The following ANKRD27 variants were observed in gnomAD, a reference collection of about 807,000 sequenced individuals.
ANKRD27 encodes ankyrin repeat domain 27, also known as ankyrin repeat domain-containing protein 27.
Under a neutral mutation model 129.7 loss-of-function variants are expected in ANKRD27, and 112 were observed. The observed-to-expected ratio is 0.86, with a 90% CI of 0.74 to 1.01. ANKRD27 has a LOEUF of 1.01. Among genes scored for constraint, ANKRD27 ranks in the 50% least tolerant of loss-of-function variants. The probability of loss-of-function intolerance (pLI) is 0.00; values close to 1 mark genes in which losing one functional copy is unlikely to be tolerated. For missense variants in ANKRD27, 1,258 were observed against 1,300.5 expected (o/e 0.97, Z 0.50); for synonymous variants, 516 against 511.2 (o/e 1.01, Z -0.13).
intron 26 of ANKRD27, among the ~76,000 whole-genome samples, chr19:32,600,688 G>A (rs1971638551): frequency 6.6e-6 from 1 of 152,126 alleles, no homozygotes; most frequent in South Asian, 2.1e-4. Context: ...ATTTGAGATA[G>A]GGGGTAGTCA....
intron 20 of ANKRD27, among the ~76,000 whole-genome samples, chr19:32,618,141 C>T (rs545353763): frequency 9.3e-6 from 1 of 107,006 alleles, no homozygotes; most frequent in African/African-American, 3.5e-5. Context: ...AACCCACTGC[C>T]ATTTAGGGAA....
rs529414162 is a variant in ANKRD27 at position 32,598,152 on chromosome 19, C to T, written c.3146G>A (p.Arg1049Gln). The T allele has an allele frequency of 1.3e-4, 213 of 1,613,980 alleles. 3 individuals carry two copies. The South Asian group carries it at 2.2e-3, about 17-fold the overall frequency. The change falls in exon 29 of 29, where the codon CGG becomes CAG. Residue 1049 changes from arginine to glutamine, a missense_variant. By Grantham distance (43) the Arg-to-Gln change is conservative. Transcript: ENST00000306065. ...LSTPQEVSAS[R>Q]S ...AACAACTCCTCATTCCTGTTAGGAC[C>T]GGGAAGCACTAACCTCTTGGGGAGT...
rs1249061848 is a variant in ANKRD27 at position 32,598,338 on chromosome 19, G to A, written c.2960C>T (p.Pro987Leu). Residue 987 changes from proline to leucine, a missense_variant, in exon 29 of 29, where the codon CCA (proline) becomes CTA (leucine). Pro to Leu is a moderately conservative substitution (Grantham distance 98). Transcript: ENST00000306065. ...QSVTLRQNNL[P>L]AQSGSHAAEK... ...AGCAGCATGAGATCCACTCTGAGCT[G>A]GCAGGTTATTCTGTCTCAGTGTGAC... 1 of 1,614,064 alleles carries A rather than the reference G, an allele frequency of 6.2e-7. No homozygotes were observed. Among genetic ancestry groups the A allele is most frequent in the Non-Finnish European group, 8.5e-7 (1 of 1,180,036 alleles).
chr19:32,671,997 A>C (rs977649664), intron 1 of ANKRD27, among the ~76,000 whole-genome samples: 15 of 152,152 alleles, frequency 9.9e-5, no homozygotes, highest in African/African-American at 3.6e-4. Flanking sequence ...TGTGGTCTTC[A>C]ACCGTCCTGC....
chr19:32,656,059 A>AAAAGAAAGAAAAGAAAG lies in ANKRD27; in HGVS notation c.102+2854_102+2855insCTTTCTTTTCTTTCTTT, dbSNP rs1568417616. ...AAGAAAGAAAAGAAAGAAAAGAAAG[A>AAAAGAAAGAAAAGAAAG]AAAGAAAGAAAGAAAGAAAGAAAGA... On this transcript the variant is annotated intron_variant, in intron 2 of 28. Coordinates refer to ENST00000306065, the MANE Select transcript of ANKRD27 (RefSeq NM_032139.3). Among the ~76,000 whole-genome samples, 289 of 65,838 alleles carry AAAAGAAAGAAAAGAAAG rather than the reference A, an allele frequency of 4.4e-3. 1 individual carries two copies. Among genetic ancestry groups the AAAAGAAAGAAAAGAAAG allele is most frequent in the African/African-American group, 0.013 (250 of 18,538 alleles). The allele number at this position is 65,838 out of a possible 152,430, so 43.2% of individuals were successfully genotyped here. A position where few individuals can be genotyped will look rare whatever the true frequency, so the allele number is the denominator to read the frequency against.
At chr19:32,620,885 CAAAAAAAAA>C (rs746859989) in intron 18 of ANKRD27, among the ~76,000 whole-genome samples, 9 of 75,302 alleles carry the variant, frequency 1.2e-4, no homozygotes, top group East Asian at 4.0e-4. Context: ...AACCTTGTCT[CAAAAAAAAA>C]AAAAAAAAAA....
rs530795332 is a variant in ANKRD27 at position 32,646,841 on chromosome 19, T to C, written c.214-226A>G. ...GATACCTGAATCATTTCTATTTTCT[T>C]TTGAGACAGAGTCTTACTCCATCAC... On this transcript the variant is annotated intron_variant, in intron 3 of 28. Coordinates refer to ENST00000306065, the MANE Select transcript of ANKRD27 (RefSeq NM_032139.3). 2.6e-5 allele frequency among the ~76,000 whole-genome samples: 4 copies of C among 152,322 alleles called. No individual in the cohort carries two copies. The South Asian group carries it at 8.3e-4, about 32-fold the overall frequency.
At chr19:32,609,916 C>T (rs1971808919) in intron 22 of ANKRD27, among the ~76,000 whole-genome samples, 1 of 152,036 alleles carries the variant, frequency 6.6e-6, no homozygotes, top group African/African-American at 2.4e-5. Flanking sequence ...TGGCTCACGC[C>T]TATAATCTCA....
chr19:32,622,082 A>C (rs917160959), intron 18 of ANKRD27, among the ~76,000 whole-genome samples: 5 of 152,154 alleles, frequency 3.3e-5, no homozygotes, highest in Non-Finnish European at 7.4e-5. Context: ...CACCGGGAAA[A>C]AAGAGTTCCA....
chr19:32,609,385 G>A (rs1255742617), intron 22 of ANKRD27, among the ~76,000 whole-genome samples: 1 of 152,058 alleles, frequency 6.6e-6, no homozygotes, highest in Non-Finnish European at 1.5e-5. Flanking sequence ...TGTTCACAAT[G>A]GCTTTATTTA....
rs1471722662 is a variant in ANKRD27 at position 32,643,351 on chromosome 19, A to C, written c.641T>G (p.Ile214Arg). 1.2e-6 allele frequency: 2 copies of C among 1,613,970 alleles called. No individual in the cohort carries two copies. Among genetic ancestry groups the C allele is most frequent in the African/African-American group, 2.7e-5 (2 of 75,004 alleles). Reference sequence around the variant, plus strand: ...GTTGTAAATTTCATGATGGACGTATATCTGTGGAATCAACAGACCCCATTC... The same window carrying C: ...GTTGTAAATTTCATGATGGACGTATCTCTGTGGAATCAACAGACCCCATTC... ...QMNLMKQAVE[I>R]YVHHEIYNLI... Residue 214 changes from isoleucine to arginine, a missense_variant and splice_region_variant, in exon 8 of 29, where the codon ATA becomes AGA. Ile to Arg is a moderately conservative substitution (Grantham distance 97). Coordinates refer to ENST00000306065, the MANE Select transcript of ANKRD27 (RefSeq NM_032139.3).
At chr19:32,658,339 CCCA>C (rs1967581913) in intron 2 of ANKRD27, among the ~76,000 whole-genome samples, 1 of 152,210 alleles carries the variant, frequency 6.6e-6, no homozygotes, top group Non-Finnish European at 1.5e-5. Flanking sequence ...GGCAGATGCC[CCCA>C]CCATGACAGG....
intron 16 of ANKRD27, 47 bp from the exon 17 acceptor site, chr19:32,626,013 G>T: frequency 6.7e-7 from 1 of 1,496,886 alleles, no homozygotes; most frequent in South Asian, 1.3e-5. Context: ...CCGGCTCCCT[G>T]GGAGGCCCGG....
chr19:32,615,707 T>A lies in ANKRD27; in HGVS notation c.2126A>T (p.Glu709Val). 1 of 1,614,166 alleles carries A rather than the reference T, an allele frequency of 6.2e-7. No homozygotes were observed. The highest frequency in any genetic ancestry group is 8.5e-7 in the Non-Finnish European group (1 of 1,180,024). ...GCACTGGCACAACGGGTGACAGAAT[T>A]CGGGGTCCGCTGCACTGACAGTGTC... ...AEDTVSAADP[E>V]FCHPLCQCPK... The change falls in exon 22 of 29, where the codon GAA becomes GTA. Residue 709 changes from glutamate to valine, a missense_variant. Physicochemically the swap from Glu to Val is moderately radical, Grantham distance 121. Coordinates refer to ENST00000306065, the MANE Select transcript of ANKRD27 (RefSeq NM_032139.3).
intron 1 of ANKRD27, among the ~76,000 whole-genome samples, chr19:32,665,106 A>T (rs777852821): frequency 6.6e-5 from 10 of 152,036 alleles, no homozygotes; most frequent in Admixed American, 6.6e-4. Context: ...ACATATGAAC[A>T]TTTATTTTAC....
chr19:32,639,147 C>A, intron 12 of ANKRD27: 2 of 587,502 alleles, frequency 3.4e-6, no homozygotes, highest in South Asian at 4.5e-5. Context: ...AATGTAAATC[C>A]CAATGATAAC....
chr19:32,626,614 C>T (rs1966888445), intron 16 of ANKRD27, 98 bp downstream of exon 16: 1 of 811,766 alleles, frequency 1.2e-6, no homozygotes, highest in African/African-American at 1.9e-5. Flanking sequence ...CACCAGGAGA[C>T]AGGGGTGCAG....
At chr19:32,660,189 A>C (rs965733599) in intron 1 of ANKRD27, among the ~76,000 whole-genome samples, 8 of 152,218 alleles carry the variant, frequency 5.3e-5, no homozygotes, top group Non-Finnish European at 1.0e-4. Context: ...CTAACCCGCT[A>C]GGCGGGGCCT....
chr19:32,625,924 T>A lies in ANKRD27; in HGVS notation c.1579A>T (p.Asn527Tyr). ...AGGTGGAGTGGCGTATTCCCATTGT[T>A]GTCCTGCACTTCCGCGCTGGCCTTG... The part of the protein sequence containing the change: ...HYKASAEVQD[N>Y]NGNTPLHLAC... The change falls in exon 17 of 29, where the codon AAC becomes TAC. Residue 527 changes from asparagine (N) to tyrosine (Y), a missense_variant. Physicochemically the swap from Asn to Tyr is moderately radical, Grantham distance 143 (BLOSUM62 -2). Transcript: ENST00000306065. The A allele has an allele frequency of 6.2e-7, 1 of 1,611,188 alleles. No individual in the cohort carries two copies. The highest frequency in any genetic ancestry group is 8.5e-7 in the Non-Finnish European group (1 of 1,179,114).
Sources: gnomAD v4.1 joint callset for allele counts (sites outside exome capture counted in the v4.1 genomes callset) on GRCh38, gnomAD v4.1.1 for gene constraint, MANE v1.5 for transcripts, NCBI Gene and HGNC (gene_info 2026-07-23, HGNC 2026-07-21) for gene names.